The following DSC3 variants were observed in gnomAD, a reference collection of about 807,000 sequenced individuals.
The protein encoded by DSC3 is desmocollin-3.
In DSC3, 97 loss-of-function variants were observed where a neutral mutation model predicts 89.5. That is an observed-to-expected ratio of 1.08 (90% CI 0.92 to 1.28). The LOEUF is 1.28. Among genes scored for constraint, DSC3 ranks in the 50% most tolerant of loss-of-function variants. DSC3 has a pLI of 0.00. For synonymous variants in DSC3, 436 were observed against 384.1 expected (o/e 1.14, Z -1.58); for missense variants, 1,199 against 1,085.3 (o/e 1.10, Z -1.47).
At position 30,991,875 on chromosome 18, in the gene DSC3, G is replaced by A. The variant is rs574883184; in HGVS notation, c.*2300C>T. On this transcript the variant is annotated 3_prime_UTR_variant, in exon 16 of 16. Coordinates refer to ENST00000360428, the MANE Select transcript of DSC3 (RefSeq NM_001941.5). ...ACATTAAAAGAAGACGACTTTAAAC[G>A]GAAAACAAGGCCGGGAGCGGTGGGT... 3.9e-5 allele frequency: 6 copies of A among 152,190 alleles called. No homozygotes were observed. In the East Asian group the frequency reaches 5.8e-4, roughly 15 times the overall value. The allele number at this position is 152,190 out of a possible 1,614,324, so 9.4% of individuals were successfully genotyped here. A position where few individuals can be genotyped will look rare whatever the true frequency, so the allele number is the denominator to read the frequency against.
rs146274089 is a variant in DSC3, at chr18:30,995,174, AC to A, written c.2494-803del. 2.9e-3 allele frequency among the ~76,000 whole-genome samples: 444 copies of A among 151,752 alleles called. 3 individuals carry two copies. Among genetic ancestry groups the A allele is most frequent in the African/African-American group, 0.01 (426 of 41,328 alleles). ...ACTGCCATGTCTCCTCCCTTTCCTC[AC>A]CTGTGTGCCCACTCCTTGCCTATGT... On this transcript the variant is annotated intron_variant, in intron 15 of 15. Transcript: ENST00000360428.
chr18:31,040,984 A>T (rs933417711), intron 1 of DSC3, among the ~76,000 whole-genome samples: 1 of 144,784 alleles, frequency 6.9e-6, no homozygotes, highest in African/African-American at 2.7e-5. Context: ...ATTTAACCTA[A>T]ACTCAACGGA....
chr18:31,022,459 C>T lies in DSC3; in HGVS notation c.819G>A (p.Pro273=), dbSNP rs374250811. The T allele has an allele frequency of 1.9e-4, 306 of 1,613,794 alleles. No individual in the cohort carries two copies. Among genetic ancestry groups the T allele is most frequent in the African/African-American group, 3.5e-4 (26 of 74,856 alleles). ...ATTTCAGGCGCGTATGCATTGTGTCCGGTTCATCTCTGTCTGTGGCACAAA... is the reference window on the plus strand; with the variant it reads ...ATTTCAGGCGCGTATGCATTGTGTCTGGTTCATCTCTGTCTGTGGCACAAA... ...GVVCATDRDE[P]DTMHTRLKYS... Residue 273 remains proline (P), a synonymous_variant, in exon 7 of 16, where the codon CCG becomes CCA. Coordinates refer to ENST00000360428, the MANE Select transcript of DSC3 (RefSeq NM_001941.5).
intron 7 of DSC3, among the ~76,000 whole-genome samples, chr18:31,020,279 C>G (rs966877722): frequency 1.3e-5 from 2 of 151,856 alleles, no homozygotes; most frequent in African/African-American, 4.8e-5. Context: ...AGAAGAGCCT[C>G]GGATGTAAGG....
intron 13 of DSC3, among the ~76,000 whole-genome samples, chr18:31,003,504 A>G (rs896168334): frequency 6.6e-6 from 1 of 152,176 alleles, no homozygotes; most frequent in African/African-American, 2.4e-5. Flanking sequence ...GTGCTACACC[A>G]TATGGTAGGC....
At chr18:31,011,098 G>C (rs1429973375) in intron 9 of DSC3, among the ~76,000 whole-genome samples, 1 of 152,188 alleles carries the variant, frequency 6.6e-6, no homozygotes, top group African/African-American at 2.4e-5. Context: ...CATAGTGCTT[G>C]ACAGCGTATA....
chr18:31,029,972 G>A (rs1985726771), intron 3 of DSC3, among the ~76,000 whole-genome samples: 1 of 152,134 alleles, frequency 6.6e-6, no homozygotes, highest in African/African-American at 2.4e-5. Context: ...TCTCCAGATA[G>A]CACTTACTTG....
rs562814005 is a variant in DSC3, at chr18:31,025,777, C to G, written c.613G>C (p.Glu205Gln). ...LFCTRPVDREEYDVFDLIAYA... is the reference protein window; with the variant it reads ...LFCTRPVDREQYDVFDLIAYA... ...AGTCCTACATCAAAAACATCATATT[C>G]TTCACGATCCACAGGCCGAGTGCAA... is the stretch of plus-strand genomic sequence containing the variant. The change falls in exon 5 of 16, where the codon GAA (glutamate) becomes CAA (glutamine). Residue 205 changes from glutamate (E) to glutamine (Q), a missense_variant. By Grantham distance (29) the Glu-to-Gln change is conservative (BLOSUM62 2). Coordinates refer to ENST00000360428, the MANE Select transcript of DSC3 (RefSeq NM_001941.5). The G allele has an allele frequency of 6.2e-7, 1 of 1,613,080 alleles. No individual in the cohort carries two copies. Among genetic ancestry groups the G allele is most frequent in the East Asian group, 2.2e-5 (1 of 44,806 alleles).
intron 14 of DSC3, 95 bp from the exon 15 acceptor site, chr18:30,997,143 TATTCATTCATTC>T: frequency 1.4e-6 from 2 of 1,409,800 alleles, no homozygotes; most frequent in Non-Finnish European, 2.0e-6. Flanking sequence ...TTCAACCTTT[TATTCATTCATTC>T]ATTCATTCAT....
At chr18:31,011,786 A>T (rs1985068845) in intron 9 of DSC3, among the ~76,000 whole-genome samples, 1 of 152,012 alleles carries the variant, frequency 6.6e-6, no homozygotes, top group Non-Finnish European at 1.5e-5. Context: ...TGAGCTCAGG[A>T]GTTCGAGACC....
chr18:31,014,297 G>A (rs1360196505), intron 9 of DSC3, among the ~76,000 whole-genome samples: 3 of 151,860 alleles, frequency 2.0e-5, no homozygotes, highest in Non-Finnish European at 2.9e-5. Context: ...AAATGTATTT[G>A]TTTTTAAAAA....
intron 14 of DSC3, among the ~76,000 whole-genome samples, chr18:30,997,752 A>G (rs1984524910): frequency 6.6e-6 from 1 of 152,236 alleles, no homozygotes; most frequent in South Asian, 2.1e-4. Flanking sequence ...AGAGCACAGA[A>G]GTAGAGCATT....
intron 1 of DSC3, among the ~76,000 whole-genome samples, chr18:31,040,490 T>A (rs930428580): frequency 6.6e-6 from 1 of 152,284 alleles, no homozygotes; most frequent in East Asian, 1.9e-4. Flanking sequence ...TTTTTTAGTA[T>A]CTCCCTGTCA....
Position 31,042,562 on chromosome 18 carries a change from C to T in DSC3, c.69+30G>A, listed in dbSNP as rs1189903715. ...AGGGCGGATCCACCCCCGTCCCCAC[C>T]CCAGCCCTATCCGGCGAGATCTGGC... is the stretch of plus-strand genomic sequence containing the variant. On this transcript the variant is annotated intron_variant, in intron 1 of 15. Coordinates refer to ENST00000360428, the MANE Select transcript of DSC3 (RefSeq NM_001941.5). 3 of 1,548,962 alleles carry T rather than the reference C, an allele frequency of 1.9e-6. No individual in the cohort carries two copies. The African/African-American group carries it at 4.1e-5, about 21-fold the overall frequency.
intron 5 of DSC3, 152 bp downstream of exon 5, chr18:31,025,608 G>A: frequency 1.2e-6 from 1 of 804,548 alleles, no homozygotes; most frequent in Non-Finnish European, 2.0e-6. Context: ...AGCTGACCAA[G>A]TATTCCAAAA....
rs1984188300 is a variant in DSC3 at position 30,990,225 on chromosome 18, A to G, written c.*3950T>C. The stretch of plus-strand genomic sequence containing the variant: ...GCATTGTTCATTGATTTTAATGAGA[A>G]AGCTAAGAGAGGAAATAAGTAGCCT... On this transcript the variant is annotated 3_prime_UTR_variant, in exon 16 of 16. Transcript: ENST00000360428. The G allele has an allele frequency of 6.6e-6, 1 of 152,160 alleles. No individual in the cohort carries two copies. The highest frequency in any genetic ancestry group is 2.4e-5 in the African/African-American group (1 of 41,438). The allele number at this position is 152,160 out of a possible 1,614,324, so 9.4% of individuals were successfully genotyped here. A position where few individuals can be genotyped will look rare whatever the true frequency, so the allele number is the denominator to read the frequency against.
Position 30,990,382 on chromosome 18 carries a change from A to G in DSC3, c.*3793T>C, listed in dbSNP as rs1312326145. The G allele has an allele frequency of 6.6e-6, 1 of 152,240 alleles. No homozygotes were observed. The highest frequency in any genetic ancestry group is 2.4e-5 in the African/African-American group (1 of 41,468). 9.4% of individuals were successfully genotyped at this position (152,240 alleles called of 1,614,324 possible). On this transcript the variant is annotated 3_prime_UTR_variant, in exon 16 of 16. Coordinates refer to ENST00000360428, the MANE Select transcript of DSC3 (RefSeq NM_001941.5). ...CAATACTGAAGGACACGTGAAATGT[A>G]TCCGGTATTTTACTATTACAAACAA...
chr18:30,994,849 G>C (rs542779764), intron 15 of DSC3, among the ~76,000 whole-genome samples: 1 of 152,160 alleles, frequency 6.6e-6, no homozygotes, highest in African/African-American at 2.4e-5. Context: ...AGAAATTAAT[G>C]ACAAAATAAT....
At chr18:31,006,395 G>A (rs1433370410) in intron 12 of DSC3, among the ~76,000 whole-genome samples, 1 of 152,020 alleles carries the variant, frequency 6.6e-6, no homozygotes, top group Admixed American at 6.6e-5. Context: ...CCACCTACTG[G>A]TTTAAGTGAT....
Sources: gnomAD v4.1 joint callset for allele counts (sites outside exome capture counted in the v4.1 genomes callset) on GRCh38, gnomAD v4.1.1 for gene constraint, MANE v1.5 for transcripts, NCBI Gene and HGNC (gene_info 2026-07-23, HGNC 2026-07-21) for gene names.